The following PMM2 variants were observed in gnomAD, a reference collection of about 807,000 sequenced individuals.
PMM2 encodes phosphomannomutase 2.
PMM2 carries 35 observed loss-of-function variants against 33.2 expected under a neutral mutation model. That is an observed-to-expected ratio of 1.06 (90% confidence interval 0.81 to 1.40). The LOEUF is 1.40. PMM2 is among the 40% of genes most tolerant of loss of function. PMM2 has a pLI of 0.00. For missense variants in PMM2, 386 were observed against 306.0 expected, an observed-to-expected ratio of 1.26 and a Z score of -1.95; for synonymous variants, 153 against 114.7, an observed-to-expected ratio of 1.33 and a Z score of -2.13.
intron 7 of PMM2, among the ~76,000 whole-genome samples, chr16:8,826,891 C>T (rs962872898): frequency 3.3e-5 from 5 of 152,016 alleles, no homozygotes; most frequent in African/African-American, 4.8e-5. Context: ...GTCCCTCTTT[C>T]GTGAATAATC....
At chr16:8,832,965 C>CCCCGACCACACCAAAGGCT in intron 7 of PMM2, 4 of 963,684 alleles carry the variant, frequency 4.2e-6, no homozygotes, top group Non-Finnish European at 4.9e-6. Flanking sequence ...TGACTGGTCT[C>CCCCGACCACACCAAAGGCT]CCCAGGGCAG....
chr16:8,822,899 G>T (rs980277653), intron 7 of PMM2, among the ~76,000 whole-genome samples: 1 of 152,162 alleles, frequency 6.6e-6, no homozygotes, highest in African/African-American at 2.4e-5. Flanking sequence ...AAGAGTGAAA[G>T]TCCTGGCTTC....
intron 2 of PMM2, among the ~76,000 whole-genome samples, chr16:8,803,120 C>G (rs1469971194): frequency 3.3e-5 from 5 of 152,110 alleles, no homozygotes; most frequent in African/African-American, 9.7e-5. Flanking sequence ...GCCAAATGAC[C>G]TCTGTGTAAA....
In PMM2 at chr16:8,849,059, CTG is replaced by C. The variant is rs1168400470; in HGVS notation, c.*1235_*1236del. ...CCACTGGGCACTTGCCGACCTGAGT[CTG>C]GGGCCAGGGGAGCCCAGGCTGCCCT... On this transcript the variant is annotated 3_prime_UTR_variant, in exon 8 of 8. Coordinates refer to ENST00000268261, the MANE Select transcript of PMM2 (RefSeq NM_000303.3). 1.3e-5 allele frequency: 2 copies of C among 152,286 alleles called. No individual in the cohort carries two copies. The highest frequency in any genetic ancestry group is 4.8e-5 in the African/African-American group (2 of 41,434). The allele number at this position is 152,286 out of a possible 1,614,324, so 9.4% of individuals were successfully genotyped here.
chr16:8,826,905 C>T (rs76920093), intron 7 of PMM2, among the ~76,000 whole-genome samples: 6,919 of 152,078 alleles, frequency 0.045, 236 homozygotes, highest in Middle Eastern at 0.13. Flanking sequence ...AATAATCAGT[C>T]GTTCTATTTT....
intron 7 of PMM2, among the ~76,000 whole-genome samples, chr16:8,837,764 A>T (rs2060860570): frequency 6.6e-6 from 1 of 152,028 alleles, no homozygotes; most frequent in South Asian, 2.1e-4. Flanking sequence ...CTAAGGGTGA[A>T]GGACCAAGGC....
chr16:8,847,807 T>G lies in PMM2; in HGVS notation c.723T>G (p.Cys241Trp). The change falls in exon 8 of 8, where the codon TGT becomes TGG. Residue 241 changes from cysteine (C) to tryptophan (W), a missense_variant. Transcript: ENST00000268261. The stretch of plus-strand genomic sequence containing the variant: ...CGCCTGAGGACACGCGCAGGATCTG[T>G]GAACTGCTGTTCTCCTAACGTGGGA... ...VTAPEDTRRI[C>W]ELLFS 1 of 1,613,288 alleles carries G rather than the reference T, an allele frequency of 6.2e-7. No individual in the cohort carries two copies. The highest frequency in any genetic ancestry group is 1.1e-5 in the South Asian group (1 of 91,062).
At chr16:8,839,460 G>T (rs1204544644) in intron 7 of PMM2, among the ~76,000 whole-genome samples, 2 of 151,958 alleles carry the variant, frequency 1.3e-5, no homozygotes, top group Non-Finnish European at 2.9e-5. Context: ...GGGGAGGTTC[G>T]ATTTTCATGG....
chr16:8,842,830 G>A (rs1002963465), intron 7 of PMM2, among the ~76,000 whole-genome samples: 1 of 152,158 alleles, frequency 6.6e-6, no homozygotes, highest in Non-Finnish European at 1.5e-5. Context: ...GCTGTGGGAT[G>A]GGATATTGGC....
rs1390523198 is a variant in PMM2 at position 8,848,340 on chromosome 16, G to A, written c.*515G>A. ...ACCTCCTGGAACGAAGCTCCCGCCTGCATGTCACCTTGATGGGGGCTGTGA... is the reference window on the plus strand; with the variant it reads ...ACCTCCTGGAACGAAGCTCCCGCCTACATGTCACCTTGATGGGGGCTGTGA... On this transcript the variant is annotated 3_prime_UTR_variant, in exon 8 of 8. Coordinates refer to ENST00000268261, the MANE Select transcript of PMM2 (RefSeq NM_000303.3). 1.1e-5 allele frequency: 2 copies of A among 187,896 alleles called. No individual in the cohort carries two copies. The highest frequency in any genetic ancestry group is 1.3e-4 in the East Asian group (1 of 7,436). 11.6% of individuals were successfully genotyped at this position (187,896 alleles called of 1,614,324 possible). A position where few individuals can be genotyped will look rare whatever the true frequency, so the allele number is the denominator to read the frequency against.
chr16:8,824,999 G>A (rs762001918), intron 7 of PMM2, among the ~76,000 whole-genome samples: 21 of 152,004 alleles, frequency 1.4e-4, no homozygotes, highest in Non-Finnish European at 2.4e-4. Context: ...ATTTTATCTC[G>A]CATTAGTGCA....
intron 7 of PMM2, among the ~76,000 whole-genome samples, chr16:8,833,847 G>C (rs558566153): frequency 1.3e-5 from 2 of 152,276 alleles, no homozygotes; most frequent in Admixed American, 1.3e-4. Flanking sequence ...GCATAGTCCT[G>C]CCAGCAAAGA....
At chr16:8,846,562 G>C (rs1351918147) in intron 7 of PMM2, among the ~76,000 whole-genome samples, 3 of 152,160 alleles carry the variant, frequency 2.0e-5, no homozygotes, top group Admixed American at 2.0e-4. Flanking sequence ...TGGGGACACA[G>C]ATGGGAGCAC....
At chr16:8,828,560 C>G (rs940549395) in intron 7 of PMM2, among the ~76,000 whole-genome samples, 3 of 152,074 alleles carry the variant, frequency 2.0e-5, no homozygotes, top group Non-Finnish European at 4.4e-5. Context: ...GACATGAACC[C>G]AAAAATTCAT....
At position 8,843,865 on chromosome 16, in the gene PMM2, C is replaced by G. The variant is rs544351364; in HGVS notation, c.640-3859C>G. Among the ~76,000 whole-genome samples, 150 of 147,200 alleles carry G rather than the reference C, an allele frequency of 1.0e-3. 1 individual carries two copies. The East Asian group carries it at 0.023, about 22-fold the overall frequency. ...AGAATTGGAACCTAGCTCGGCCTGG[C>G]GAGGAGGGGAGAGGTCAGATGGGTC... On this transcript the variant is annotated intron_variant, in intron 7 of 7. Coordinates refer to ENST00000268261, the MANE Select transcript of PMM2 (RefSeq NM_000303.3).
chr16:8,832,551 G>A (rs1159865275), intron 7 of PMM2: 1 of 985,266 alleles, frequency 1.0e-6, no homozygotes, highest in Non-Finnish European at 1.2e-6. Flanking sequence ...CAACTGTCAG[G>A]GGACTAGCAT....
Position 8,813,009 on chromosome 16 carries a change from A to G in PMM2, c.542A>G (p.Asp181Gly), listed in dbSNP as rs141499253. 6.2e-7 allele frequency: 1 copy of G among 1,611,810 alleles called. No homozygotes were observed. Among genetic ancestry groups the G allele is most frequent in the Non-Finnish European group, 8.5e-7 (1 of 1,177,844 alleles). ...TFSIGGQISF[D>G]VFPDGWDKRY... Reference sequence around the variant, plus strand: ...CCGGCAGGAGGCCAGATCAGCTTTGATGTCTTTCCTGATGGATGGGACAAG... The same window carrying G: ...CCGGCAGGAGGCCAGATCAGCTTTGGTGTCTTTCCTGATGGATGGGACAAG... Residue 181 changes from aspartate (D) to glycine (G), a missense_variant, in exon 7 of 8, where the codon GAT becomes GGT. Physicochemically the swap from Asp to Gly is moderately conservative, Grantham distance 94. Transcript: ENST00000268261.
At chr16:8,821,853 A>G (rs1331539345) in intron 7 of PMM2, among the ~76,000 whole-genome samples, 1 of 152,232 alleles carries the variant, frequency 6.6e-6, no homozygotes, top group African/African-American at 2.4e-5. Flanking sequence ...CATGCCCCAA[A>G]CAAGCATTTT....
At chr16:8,803,685 A>T (rs981908713) in intron 2 of PMM2, among the ~76,000 whole-genome samples, 21 of 152,046 alleles carry the variant, frequency 1.4e-4, no homozygotes, top group Admixed American at 9.2e-4. Flanking sequence ...TTTAAAATTT[A>T]TTTTATTTAT....
Sources: gnomAD v4.1 joint callset for allele counts (sites outside exome capture counted in the v4.1 genomes callset) on GRCh38, gnomAD v4.1.1 for gene constraint, MANE v1.5 for transcripts, NCBI Gene and HGNC (gene_info 2026-07-23, HGNC 2026-07-21) for gene names.